Variants in UGGT2 observed in about 807,000 individuals in gnomAD.
The protein encoded by UGGT2 is UDP-glucose:glycoprotein glucosyltransferase 2.
UGGT2 carries 180 observed loss-of-function variants against 192.1 expected under a neutral mutation model. The observed-to-expected ratio is 0.94, with a 90% confidence interval of 0.83 to 1.06. The LOEUF (loss-of-function observed/expected upper bound fraction) is 1.06. Among genes scored for constraint, UGGT2 ranks in the 50% least tolerant of loss-of-function variants. The probability of loss-of-function intolerance (pLI) is 0.00; values close to 1 mark genes in which losing one functional copy is unlikely to be tolerated. For synonymous variants in UGGT2, 580 were observed against 591.0 expected (o/e 0.98, Z 0.27); for missense variants, 1,849 against 1,795.7 (o/e 1.03, Z -0.54).
chr13:95,863,887 C>T (rs1293922584), intron 30 of UGGT2, among the ~76,000 whole-genome samples, 173 bp from the exon 31 acceptor site: 1 of 152,174 alleles, frequency 6.6e-6, no homozygotes, highest in Non-Finnish European at 1.5e-5. Flanking sequence ...TGGTCTTTAA[C>T]TATCAATTCA....
At chr13:95,911,257 T>C (rs759838649) in intron 20 of UGGT2, among the ~76,000 whole-genome samples, 4 of 151,930 alleles carry the variant, frequency 2.6e-5, no homozygotes, top group Non-Finnish European at 4.4e-5. Context: ...CTGAAGGAGA[T>C]AGAGACATAA....
At chr13:95,937,168 A>G in intron 16 of UGGT2, 80 bp from the exon 17 acceptor site, 1 of 1,411,180 alleles carries the variant, frequency 7.1e-7, no homozygotes, top group South Asian at 1.4e-5. Context: ...GAACACCGCC[A>G]CATTTTTATA....
intron 29 of UGGT2, among the ~76,000 whole-genome samples, chr13:95,870,822 A>G (rs1218566272): frequency 1.3e-5 from 2 of 152,138 alleles, no homozygotes; most frequent in African/African-American, 4.8e-5. Flanking sequence ...AAGAGGTGGG[A>G]CCCTTAATAG....
intron 5 of UGGT2, among the ~76,000 whole-genome samples, chr13:96,003,300 A>G (rs1381564642): frequency 9.2e-5 from 14 of 152,190 alleles, no homozygotes; most frequent in African/African-American, 2.7e-4. Context: ...TATCAAATAT[A>G]TAAAACAAAA....
intron 1 of UGGT2, among the ~76,000 whole-genome samples, chr13:96,049,749 A>C (rs1024894969): frequency 2.6e-5 from 4 of 152,188 alleles, no homozygotes; most frequent in African/African-American, 9.7e-5. Context: ...AGAGAATAAA[A>C]TACCTAGGAA....
intron 4 of UGGT2, 24 bp from the exon 5 acceptor site, chr13:96,013,505 G>T: frequency 6.8e-7 from 1 of 1,462,570 alleles, no homozygotes; most frequent in Non-Finnish European, 9.1e-7. Context: ...AAAACACAAA[G>T]TTTTGAAAAA....
Position 95,856,169 on chromosome 13 carries a change from C to A in UGGT2, c.3997G>T (p.Asp1333Tyr), listed in dbSNP as rs1889591248. The change falls in exon 34 of 39, where the codon GAT becomes TAT. Residue 1333 changes from aspartate (D) to tyrosine (Y), a missense_variant. Transcript: ENST00000376747. ...GTTAACCTTATTACCTGGTCAGCATCAACAAAAATGATTTTGTCCACTGCT... is the reference window on the plus strand; with the variant it reads ...GTTAACCTTATTACCTGGTCAGCATAAACAAAAATGATTTTGTCCACTGCT... ...PLAVDKIIFV[D>Y]ADQIVRHDLK... 3 of 1,610,580 alleles carry A rather than the reference C, an allele frequency of 1.9e-6. No homozygotes were observed. The highest frequency in any genetic ancestry group is 2.5e-6 in the Non-Finnish European group (3 of 1,178,986).
intron 38 of UGGT2, among the ~76,000 whole-genome samples, chr13:95,806,938 A>T (rs1209558150): frequency 6.6e-6 from 1 of 152,170 alleles, no homozygotes; most frequent in Non-Finnish European, 1.5e-5. Context: ...TCTTAGAAGA[A>T]AACATACATG....
chr13:95,890,151 G>A (rs1029927178), intron 25 of UGGT2, among the ~76,000 whole-genome samples: 9 of 151,988 alleles, frequency 5.9e-5, no homozygotes, highest in African/African-American at 1.9e-4. Flanking sequence ...CCCTTTCCTC[G>A]GCTTCACTTG....
intron 10 of UGGT2, among the ~76,000 whole-genome samples, chr13:95,975,467 T>C (rs992849133): frequency 1.3e-5 from 2 of 152,204 alleles, no homozygotes; most frequent in Non-Finnish European, 2.9e-5. Context: ...TATTTTCATA[T>C]GGGTTTGGAG....
chr13:96,022,970 T>C, intron 4 of UGGT2, 70 bp downstream of exon 4: 2 of 1,115,172 alleles, frequency 1.8e-6, no homozygotes, highest in Non-Finnish European at 2.4e-6. Context: ...TTTTTTATTA[T>C]AAGAAGTTTC....
intron 2 of UGGT2, among the ~76,000 whole-genome samples, chr13:96,026,955 GC>G (rs2052689100): frequency 6.6e-6 from 1 of 152,020 alleles, no homozygotes; most frequent in Non-Finnish European, 1.5e-5. Context: ...ACAGGCGTGA[GC>G]CACCGCGCCC....
At chr13:95,922,814 C>A (rs2048888829) in intron 20 of UGGT2, among the ~76,000 whole-genome samples, 1 of 151,956 alleles carries the variant, frequency 6.6e-6, no homozygotes, top group Admixed American at 6.6e-5. Context: ...CAGAGCGAGA[C>A]CCCGTCTCAA....
chr13:95,986,600 C>G (rs552811403), intron 8 of UGGT2, among the ~76,000 whole-genome samples, 168 bp from the exon 9 acceptor site: 6 of 152,050 alleles, frequency 3.9e-5, no homozygotes, highest in Non-Finnish European at 7.4e-5. Context: ...AAAGTTATCA[C>G]TTATTTCCAA....
At chr13:96,032,055 A>G (rs2052852694) in intron 1 of UGGT2, 84 bp from the exon 2 acceptor site, 5 of 902,256 alleles carry the variant, frequency 5.5e-6, no homozygotes, top group African/African-American at 1.7e-5. Flanking sequence ...GAACCAAATT[A>G]TATCTATGGC....
intron 5 of UGGT2, among the ~76,000 whole-genome samples, chr13:96,007,384 T>C (rs1566818414): frequency 6.6e-6 from 1 of 152,012 alleles, no homozygotes; most frequent in Non-Finnish European, 1.5e-5. Flanking sequence ...CCCTCAAAGA[T>C]CTGGAACAAG....
At chr13:95,913,721 C>G (rs1292540313) in intron 20 of UGGT2, among the ~76,000 whole-genome samples, 1 of 152,148 alleles carries the variant, frequency 6.6e-6, no homozygotes, top group Admixed American at 6.5e-5. Flanking sequence ...TTTGACCCAG[C>G]AATCCCATTA....
chr13:95,959,877 C>A (rs1211957515), intron 12 of UGGT2, among the ~76,000 whole-genome samples: 1 of 152,152 alleles, frequency 6.6e-6, no homozygotes. Flanking sequence ...CTCAACCCAC[C>A]ATCGCCACCC....
intron 19 of UGGT2, among the ~76,000 whole-genome samples, chr13:95,926,450 CTT>C (rs2049017827): frequency 2.0e-5 from 3 of 152,110 alleles, no homozygotes; most frequent in South Asian, 2.1e-4. Context: ...CTCATTGGCT[CTT>C]GTTTTTATTT....
Sources: gnomAD v4.1 joint callset for allele counts (sites outside exome capture counted in the v4.1 genomes callset) on GRCh38, gnomAD v4.1.1 for gene constraint, MANE v1.5 for transcripts, NCBI Gene and HGNC (gene_info 2026-07-23, HGNC 2026-07-21) for gene names.